Variants in PRKAG2 observed in about 807,000 individuals in gnomAD.
The protein encoded by PRKAG2 is protein kinase AMP-activated non-catalytic subunit gamma 2.
PRKAG2 carries 26 observed loss-of-function variants against 69.6 expected under a neutral mutation model. The observed-to-expected ratio is 0.37, with a 90% confidence interval of 0.27 to 0.52. The LOEUF (loss-of-function observed/expected upper bound fraction) is 0.52, where lower values mean the gene tolerates loss of function less well. PRKAG2 is among the 20% of genes least tolerant of loss of function. The pLI, the probability that PRKAG2 is intolerant of heterozygous loss-of-function variation, is 0.90. For synonymous variants in PRKAG2, 293 were observed against 285.0 expected (o/e 1.03, Z -0.28); for missense variants, 557 against 740.0 (o/e 0.75, Z 2.87).
chr7:151,673,811 G>T (rs906579727), intron 4 of PRKAG2, among the ~76,000 whole-genome samples: 7 of 151,138 alleles, frequency 4.6e-5, no homozygotes, highest in Non-Finnish European at 7.4e-5. Flanking sequence ...TGATAGGGGT[G>T]GGCCCTCATC....
rs546880723 is a variant in PRKAG2 at position 151,856,607 on chromosome 7, G to A, written c.114+19900C>T. ...ACTGTAAAAACCGGGTGAATACTAGGAACAGGCAGAGTTGCTGATGAGTTA... is the reference window on the plus strand; with the variant it reads ...ACTGTAAAAACCGGGTGAATACTAGAAACAGGCAGAGTTGCTGATGAGTTA... On this transcript the variant is annotated intron_variant, in intron 1 of 15. Coordinates refer to ENST00000287878, the MANE Select transcript of PRKAG2 (RefSeq NM_016203.4). 2.6e-5 allele frequency among the ~76,000 whole-genome samples: 4 copies of A among 152,332 alleles called. No homozygotes were observed. In the East Asian group the frequency reaches 7.7e-4, roughly 29 times the overall value.
intron 4 of PRKAG2, among the ~76,000 whole-genome samples, chr7:151,671,306 G>C (rs768300802): frequency 6.6e-6 from 1 of 150,856 alleles, no homozygotes; most frequent in Non-Finnish European, 1.5e-5. Context: ...GATGTTTACA[G>C]AAAGTATCTT....
intron 5 of PRKAG2, among the ~76,000 whole-genome samples, chr7:151,601,203 C>G (rs1398968626): frequency 6.6e-6 from 1 of 152,182 alleles, no homozygotes; most frequent in Non-Finnish European, 1.5e-5. Flanking sequence ...ACTGGATCAC[C>G]TGAGAACACA....
chr7:151,576,062 C>T, intron 7 of PRKAG2: 3 of 400,534 alleles, frequency 7.5e-6, no homozygotes, highest in Non-Finnish European at 1.4e-5. Flanking sequence ...GCCTTGACCT[C>T]CTGGGCTCAA....
rs2151920361 is a variant in PRKAG2, at chr7:151,876,504, C to T, written c.114+3G>A. ...GAGCAGGGGACCGAGTGCTGGGACT[C>T]ACCGGAATGTGCACGCGCAGCGAAC... On this transcript the variant is annotated splice_donor_region_variant and intron_variant, in intron 1 of 15. Transcript: ENST00000287878. 1.2e-6 allele frequency: 2 copies of T among 1,604,872 alleles called. No homozygotes were observed. Among genetic ancestry groups the T allele is most frequent in the Non-Finnish European group, 1.7e-6 (2 of 1,179,214 alleles).
chr7:151,832,261 A>AGGAGGGG (rs2079048778), intron 1 of PRKAG2, among the ~76,000 whole-genome samples: 2 of 117,876 alleles, frequency 1.7e-5, no homozygotes, highest in African/African-American at 9.0e-5. Context: ...GGGAGGAGGG[A>AGGAGGGG]AGGAAGGGAG....
chr7:151,817,979 TACTC>T (rs2078683186), intron 1 of PRKAG2, among the ~76,000 whole-genome samples: 1 of 152,206 alleles, frequency 6.6e-6, no homozygotes, highest in African/African-American at 2.4e-5. Context: ...AAGAGGAAGA[TACTC>T]ACACACCACA....
chr7:151,854,510 C>T (rs555543731), intron 1 of PRKAG2, among the ~76,000 whole-genome samples: 4 of 152,336 alleles, frequency 2.6e-5, no homozygotes, highest in East Asian at 1.9e-4. Flanking sequence ...GCATTTGGAG[C>T]GCCCGAGGAT....
chr7:151,859,918 C>T (rs1366072833), intron 1 of PRKAG2, among the ~76,000 whole-genome samples: 1 of 152,196 alleles, frequency 6.6e-6, no homozygotes, highest in Non-Finnish European at 1.5e-5. Flanking sequence ...CACCTGAGTC[C>T]ATGCCGCTGG....
intron 1 of PRKAG2, among the ~76,000 whole-genome samples, chr7:151,854,756 T>C (rs1211098454): frequency 2.0e-5 from 3 of 152,142 alleles, no homozygotes; most frequent in Non-Finnish European, 4.4e-5. Flanking sequence ...GCGCGCCTCC[T>C]GTGATTCTCA....
chr7:151,795,707 G>A (rs1173273371), intron 1 of PRKAG2, among the ~76,000 whole-genome samples: 1 of 151,932 alleles, frequency 6.6e-6, no homozygotes, highest in African/African-American at 2.4e-5. Context: ...CCTGAAGAGG[G>A]AAAACAGAGG....
intron 1 of PRKAG2, chr7:151,809,953 G>A (rs1329587184): frequency 1.3e-5 from 2 of 152,296 alleles, no homozygotes; most frequent in South Asian, 2.1e-4. Flanking sequence ...GGCAGGGTAT[G>A]AGCCACAGCA....
chr7:151,624,525 A>T (rs1461310751), intron 5 of PRKAG2, among the ~76,000 whole-genome samples: 2 of 152,010 alleles, frequency 1.3e-5, no homozygotes, highest in Non-Finnish European at 2.9e-5. Context: ...CCTTCCCCCA[A>T]AATCGCTCTT....
chr7:151,839,749 G>A (rs1563744386), intron 1 of PRKAG2, among the ~76,000 whole-genome samples: 1 of 152,190 alleles, frequency 6.6e-6, no homozygotes, highest in Non-Finnish European at 1.5e-5. Context: ...AGGGTGCTGA[G>A]CCCCAAGTGG....
Position 151,876,793 on chromosome 7 carries a change from G to T in PRKAG2, c.-173C>A. ...GCAGGGAACTCGCGCGGCCGCCGCC[G>T]CCGCCGAAGCGCCGAATTCAAGCGT... On this transcript the variant is annotated 5_prime_UTR_variant, in exon 1 of 16. Transcript: ENST00000287878. 1 of 680,580 alleles carries T rather than the reference G, an allele frequency of 1.5e-6. No homozygotes were observed. Among genetic ancestry groups the T allele is most frequent in the Non-Finnish European group, 2.6e-6 (1 of 387,074 alleles). The allele number at this position is 680,580 out of a possible 1,614,324, so 42.2% of individuals were successfully genotyped here. A position where few individuals can be genotyped will look rare whatever the true frequency, so the allele number is the denominator to read the frequency against.
chr7:151,856,715 C>T (rs2079785246), intron 1 of PRKAG2, among the ~76,000 whole-genome samples: 1 of 152,186 alleles, frequency 6.6e-6, no homozygotes, highest in African/African-American at 2.4e-5. Flanking sequence ...AAAAACAAGA[C>T]CAGCCACACA....
chr7:151,578,110 C>T (rs571237848), intron 6 of PRKAG2, among the ~76,000 whole-genome samples: 3 of 151,908 alleles, frequency 2.0e-5, no homozygotes, highest in East Asian at 3.9e-4. Context: ...GGAGGCCCCC[C>T]GAGATGGGCA....
At chr7:151,794,697 T>TC (rs1405002107) in intron 1 of PRKAG2, among the ~76,000 whole-genome samples, 1 of 152,202 alleles carries the variant, frequency 6.6e-6, no homozygotes, top group Non-Finnish European at 1.5e-5. Flanking sequence ...ACACTGGCTG[T>TC]CCCCCTTATA....
At chr7:151,606,962 G>A (rs1817684602) in intron 5 of PRKAG2, among the ~76,000 whole-genome samples, 1 of 152,230 alleles carries the variant, frequency 6.6e-6, no homozygotes, top group South Asian at 2.1e-4. Context: ...TTATAGGATA[G>A]AAGCATAATT....
Sources: gnomAD v4.1 joint callset for allele counts (sites outside exome capture counted in the v4.1 genomes callset) on GRCh38, gnomAD v4.1.1 for gene constraint, MANE v1.5 for transcripts, NCBI Gene and HGNC (gene_info 2026-07-23, HGNC 2026-07-21) for gene names.